ATP11C: variants seen among roughly 807,000 people sequenced by gnomAD.
ATP11C encodes the protein phospholipid-transporting ATPase IG.
A neutral mutation model predicts 97.4 loss-of-function variants in ATP11C; 36 were observed. The ratio of observed to expected loss-of-function variants is 0.37; its 90% CI spans 0.28 to 0.49. The LOEUF (loss-of-function observed/expected upper bound fraction) is 0.49. Among genes scored for constraint, ATP11C ranks in the 20% least tolerant of loss-of-function variants. The probability of loss-of-function intolerance (pLI) is 0.98; values close to 1 mark genes in which losing one functional copy is unlikely to be tolerated. For synonymous variants in ATP11C, 275 were observed against 290.9 expected (o/e 0.95, Z 0.56); for missense variants, 730 against 824.6 (o/e 0.89, Z 1.40).
At chrX:139,928,635 C>T (rs1197487269) in intron 1 of ATP11C, among the ~76,000 whole-genome samples, 2 of 111,523 alleles carry the variant, frequency 1.8e-5, no homozygotes, top group Non-Finnish European at 1.9e-5. Context: ...TTTAAATTTC[C>T]ATTCTTCCTT....
At chrX:139,829,779 TTC>T (rs2083606162) in intron 1 of ATP11C, among the ~76,000 whole-genome samples, 1 of 111,618 alleles carries the variant, frequency 9.0e-6, no homozygotes, top group Admixed American at 9.5e-5. Context: ...CAATGTAAAT[TTC>T]TTTCTCAAGA....
At chrX:139,901,269 C>T (rs2084895627) in intron 1 of ATP11C, among the ~76,000 whole-genome samples, 2 of 111,541 alleles carry the variant, frequency 1.8e-5, no homozygotes, top group Non-Finnish European at 3.8e-5. Flanking sequence ...GAACTCCCTT[C>T]CAGGTTTGGA....
At chrX:139,872,603 A>T (rs1258875462) in intron 1 of ATP11C, among the ~76,000 whole-genome samples, 1 of 108,769 alleles carries the variant, frequency 9.2e-6, no homozygotes, top group Non-Finnish European at 1.9e-5. Context: ...ATGAGTGAGA[A>T]CATGTGGTGT....
chrX:139,782,096 G>A (rs1343466438), intron 18 of ATP11C, among the ~76,000 whole-genome samples: 1 of 111,100 alleles, frequency 9.0e-6, no homozygotes, highest in Non-Finnish European at 1.9e-5. Flanking sequence ...GGAGGCTGAG[G>A]CGGACAGATC....
intron 1 of ATP11C, among the ~76,000 whole-genome samples, chrX:139,927,133 C>T (rs1389827054): frequency 9.0e-6 from 1 of 111,687 alleles, no homozygotes; most frequent in Admixed American, 9.5e-5. Context: ...GTTACCATGC[C>T]CTCTATATCT....
intron 7 of ATP11C, 83 bp downstream of exon 7, chrX:139,802,153 G>A (rs2082939700): frequency 4.5e-6 from 3 of 674,007 alleles, no homozygotes; most frequent in Admixed American, 2.3e-5. Flanking sequence ...GCTGGTAAGT[G>A]GTGGGTGTTT....
At chrX:139,855,373 G>A (rs746370512) in intron 1 of ATP11C, among the ~76,000 whole-genome samples, 1 of 111,556 alleles carries the variant, frequency 9.0e-6, no homozygotes, top group Non-Finnish European at 1.9e-5. Flanking sequence ...TAGAATTTCC[G>A]GTAAACCAGC....
intron 2 of ATP11C, 46 bp downstream of exon 2, chrX:139,826,658 T>C (rs759105621): frequency 1.6e-4 from 177 of 1,109,332 alleles, no homozygotes; most frequent in Non-Finnish European, 2.1e-4. Flanking sequence ...GAATGCATTA[T>C]CTGATTCACT....
chrX:139,740,798 G>T (rs993021168), intron 27 of ATP11C, among the ~76,000 whole-genome samples, 193 bp downstream of exon 27: 4 of 111,119 alleles, frequency 3.6e-5, no homozygotes, highest in African/African-American at 1.3e-4. Flanking sequence ...GTCTATATAT[G>T]TGTATTTAAA....
chrX:139,872,107 A>G (rs985776097), intron 1 of ATP11C, among the ~76,000 whole-genome samples: 2 of 111,698 alleles, frequency 1.8e-5, no homozygotes, highest in Admixed American at 1.9e-4. Context: ...AAATTAAAAC[A>G]TAATAATGCT....
intron 1 of ATP11C, among the ~76,000 whole-genome samples, chrX:139,888,321 C>T (rs770287634): frequency 9.1e-6 from 1 of 109,506 alleles, no homozygotes; most frequent in East Asian, 3.0e-4. Context: ...TTTGTAGAGA[C>T]GGGGTTTCAC....
At chrX:139,820,190 G>A (rs1287232320) in intron 2 of ATP11C, among the ~76,000 whole-genome samples, 2 of 89,631 alleles carry the variant, frequency 2.2e-5, no homozygotes, top group East Asian at 3.7e-4. Context: ...AGACTCCGTC[G>A]CCAAAAAAAA....
At position 139,833,793 on chromosome X, in the gene ATP11C, AT is replaced by A. The variant is rs1232737962; in HGVS notation, c.28-6971del. ...TATGACTCTGAGAAATATTATTTAC[AT>A]TTTTTTTTTCTTCAAAATGAGACCT... is the stretch of plus-strand genomic sequence containing the variant. On this transcript the variant is annotated intron_variant, in intron 1 of 29. Transcript: ENST00000682941. 2.9e-4 allele frequency among the ~76,000 whole-genome samples: 32 copies of A among 108,691 alleles called. 1 individual carries two copies. Among genetic ancestry groups the A allele is most frequent in the Admixed American group, 2.1e-3 (21 of 10,197 alleles). 94.4% of individuals were successfully genotyped at this position (108,691 alleles called of 115,157 possible). A position where few individuals can be genotyped will look rare whatever the true frequency, so the allele number is the denominator to read the frequency against.
intron 28 of ATP11C, 164 bp downstream of exon 28, chrX:139,737,752 T>C: frequency 3.3e-6 from 2 of 603,097 alleles, no homozygotes; most frequent in Admixed American, 2.3e-5. Context: ...GATAACGAAG[T>C]TTTTACTATA....
chrX:139,832,236 G>A (rs897408691), intron 1 of ATP11C: 1 of 1,200,921 alleles, frequency 8.3e-7, no homozygotes, highest in African/African-American at 1.8e-5. Flanking sequence ...AAATCTCAGA[G>A]AGAATGCTGC....
chrX:139,896,769 G>A (rs1459435169), intron 1 of ATP11C, among the ~76,000 whole-genome samples: 1 of 108,986 alleles, frequency 9.2e-6, no homozygotes, highest in African/African-American at 3.3e-5. Flanking sequence ...ACCACACCCG[G>A]CTAATTTTTT....
upstream of ATP11C, among the ~76,000 whole-genome samples, chrX:139,934,194 C>T (rs1001770853): frequency 1.8e-5 from 2 of 111,409 alleles, no homozygotes; most frequent in Non-Finnish European, 3.8e-5. Context: ...AAGGGCGGCT[C>T]GAACGAAAGC....
At chrX:139,926,522 T>G (rs1393367933) in intron 1 of ATP11C, among the ~76,000 whole-genome samples, 1 of 111,822 alleles carries the variant, frequency 8.9e-6, no homozygotes. Flanking sequence ...TAGAACCCAC[T>G]GCTCAGCAGG....
At chrX:139,753,198 C>A (rs923676188) in intron 23 of ATP11C, among the ~76,000 whole-genome samples, 1 of 111,269 alleles carries the variant, frequency 9.0e-6, no homozygotes, top group Admixed American at 9.6e-5. Flanking sequence ...GGCACATACT[C>A]TAAAATCGAC....
Sources: gnomAD v4.1 joint callset for allele counts (sites outside exome capture counted in the v4.1 genomes callset) on GRCh38, gnomAD v4.1.1 for gene constraint, MANE v1.5 for transcripts, NCBI Gene and HGNC (gene_info 2026-07-23, HGNC 2026-07-21) for gene names.